TMEM38B: variants seen among roughly 807,000 people sequenced by gnomAD.
The protein encoded by TMEM38B is transmembrane protein 38B, also known as trimeric intracellular cation channel type B.
TMEM38B carries 24 observed loss-of-function variants against 28.7 expected under a neutral mutation model. The ratio of observed to expected loss-of-function variants is 0.84; its 90% CI spans 0.61 to 1.18. The LOEUF is 1.18. TMEM38B is among the 50% of genes most tolerant of loss of function. The pLI is 0.00. For synonymous variants in TMEM38B, 131 were observed against 127.7 expected (o/e 1.03, Z -0.17); for missense variants, 380 against 350.9 (o/e 1.08, Z -0.66).
chr9:105,772,173 C>T (rs1300109769), intron 5 of TMEM38B, among the ~76,000 whole-genome samples: 1 of 152,210 alleles, frequency 6.6e-6, no homozygotes, highest in African/African-American at 2.4e-5. Context: ...AGTATCTGCT[C>T]AGCTCTTTGG....
intron 5 of TMEM38B, chr9:105,759,904 G>A (rs1227017920): frequency 6.3e-7 from 1 of 1,594,300 alleles, no homozygotes; most frequent in African/African-American, 1.3e-5. Flanking sequence ...CACACCAGTG[G>A]CTGAAATGAT....
At chr9:105,706,036 A>G (rs774121841) in intron 2 of TMEM38B, among the ~76,000 whole-genome samples, 1 of 151,650 alleles carries the variant, frequency 6.6e-6, no homozygotes, top group Non-Finnish European at 1.5e-5. Flanking sequence ...GAGTAGCTGG[A>G]ATTACAGCAC....
intron 2 of TMEM38B, among the ~76,000 whole-genome samples, chr9:105,720,406 T>C (rs1314032321): frequency 1.3e-5 from 2 of 152,008 alleles, no homozygotes; most frequent in African/African-American, 4.8e-5. Context: ...ATTGGTTTAG[T>C]TTTACAGAGC....
intron 5 of TMEM38B, chr9:105,758,900 T>A (rs956288054): frequency 1.7e-6 from 2 of 1,187,790 alleles, no homozygotes; most frequent in Non-Finnish European, 2.5e-6. Flanking sequence ...TTTGGAGATA[T>A]GTTATTCTGA....
At chr9:105,730,027 A>G (rs1159971827) in intron 4 of TMEM38B, among the ~76,000 whole-genome samples, 1 of 152,118 alleles carries the variant, frequency 6.6e-6, no homozygotes, top group African/African-American at 2.4e-5. Context: ...CTGAAAACAG[A>G]GACAATTTGA....
intron 5 of TMEM38B, chr9:105,760,465 C>A: frequency 2.7e-6 from 2 of 738,490 alleles, no homozygotes; most frequent in South Asian, 1.5e-5. Context: ...TGTTCCTTTG[C>A]CAACTTATTC....
At chr9:105,695,637 G>A (rs889157760) in intron 1 of TMEM38B, among the ~76,000 whole-genome samples, 2 of 152,152 alleles carry the variant, frequency 1.3e-5, no homozygotes, top group African/African-American at 2.4e-5. Flanking sequence ...TTTCTTTGAG[G>A]TCAGACATTT....
intron 2 of TMEM38B, among the ~76,000 whole-genome samples, chr9:105,706,294 C>A (rs1190852434): frequency 6.6e-6 from 1 of 152,184 alleles, no homozygotes; most frequent in Non-Finnish European, 1.5e-5. Context: ...GTCTTATGTA[C>A]CTTTTTTGTT....
chr9:105,745,644 A>G (rs865808281), intron 4 of TMEM38B, among the ~76,000 whole-genome samples: 1,889 of 152,212 alleles, frequency 0.012, 33 homozygotes, highest in African/African-American at 0.044. Flanking sequence ...TTGGTGTTTT[A>G]GACATGAAGT....
At chr9:105,737,071 G>T (rs1296040880) in intron 4 of TMEM38B, among the ~76,000 whole-genome samples, 1 of 152,236 alleles carries the variant, frequency 6.6e-6, no homozygotes, top group Non-Finnish European at 1.5e-5. Context: ...AGTCACAGCA[G>T]TGCTGGGCTG....
chr9:105,727,204 T>A (rs1162460972), intron 4 of TMEM38B, among the ~76,000 whole-genome samples: 5 of 152,166 alleles, frequency 3.3e-5, no homozygotes, highest in African/African-American at 1.2e-4. Flanking sequence ...TCCACTGACC[T>A]ATATTTCACA....
intron 5 of TMEM38B, among the ~76,000 whole-genome samples, chr9:105,771,811 C>T (rs1440699781): frequency 6.6e-6 from 1 of 152,164 alleles, no homozygotes; most frequent in South Asian, 2.1e-4. Context: ...TAAATGACTT[C>T]CAGATCTATA....
chr9:105,706,189 G>A (rs1293379143), intron 2 of TMEM38B, among the ~76,000 whole-genome samples: 1 of 152,118 alleles, frequency 6.6e-6, no homozygotes, highest in Admixed American at 6.5e-5. Context: ...GTGAGCCACC[G>A]CACCCAGCCA....
At chr9:105,730,771 A>G (rs149514747) in intron 4 of TMEM38B, among the ~76,000 whole-genome samples, 3,533 of 152,164 alleles carry the variant, frequency 0.023, 134 homozygotes, top group African/African-American at 0.081. Context: ...CAGAGATTCA[A>G]CTTCTTCCTG....
chr9:105,736,275 A>G (rs1432332981), intron 4 of TMEM38B, among the ~76,000 whole-genome samples: 1 of 152,078 alleles, frequency 6.6e-6, no homozygotes, highest in East Asian at 1.9e-4. Flanking sequence ...TATAAGTCCC[A>G]TAGGCTTTCT....
intron 2 of TMEM38B, among the ~76,000 whole-genome samples, chr9:105,721,115 C>A (rs1564394206): frequency 6.6e-6 from 1 of 152,130 alleles, no homozygotes; most frequent in Admixed American, 6.5e-5. Context: ...GTAGCCCTTG[C>A]TTTTACCAAA....
Position 105,694,756 on chromosome 9 carries a change from G to A in TMEM38B, c.96G>A (p.Ala32=). ...DIAHYLVSVM[A]VKRQPGAAAL... is the part of the protein sequence containing the mutation. ...CGCACTATCTAGTGTCAGTGATGGC[G>A]GTGAAACGTCAGCCGGGTGAGTGCG... is the stretch of plus-strand genomic sequence containing the variant. The change falls in exon 1 of 6, where the codon GCG becomes GCA. Residue 32 remains alanine, a synonymous_variant. Coordinates refer to ENST00000374692, the MANE Select transcript of TMEM38B (RefSeq NM_018112.3). 1 of 1,604,652 alleles carries A rather than the reference G, an allele frequency of 6.2e-7. No individual in the cohort carries two copies.
rs555474159 is a variant in TMEM38B at position 105,755,488 on chromosome 9, A to G, written c.660+7298A>G. On this transcript the variant is annotated intron_variant, in intron 5 of 5. Transcript: ENST00000374692. ...AATGAAGAAAAATAGATAATAAAAA[A>G]GAAGTGTGACTCCTCTGAGTTTGTT... Among the ~76,000 whole-genome samples the G allele has an allele frequency of 2.2e-4, 34 of 152,310 alleles. No homozygotes were observed. In the East Asian group the frequency reaches 6.2e-3, roughly 28 times the overall value.
chr9:105,759,905 C>T, intron 5 of TMEM38B: 1 of 1,594,014 alleles, frequency 6.3e-7, no homozygotes, highest in Non-Finnish European at 8.6e-7. Context: ...ACACCAGTGG[C>T]TGAAATGATC....
Sources: gnomAD v4.1 joint callset for allele counts (sites outside exome capture counted in the v4.1 genomes callset) on GRCh38, gnomAD v4.1.1 for gene constraint, MANE v1.5 for transcripts, NCBI Gene and HGNC (gene_info 2026-07-23, HGNC 2026-07-21) for gene names.